Variants in NXPE2 observed in about 807,000 individuals in gnomAD.
The protein encoded by NXPE2 is NXPE family member 2.
A neutral mutation model predicts 34.4 loss-of-function variants in NXPE2; 34 were observed. The ratio of observed to expected loss-of-function variants is 0.99; its 90% CI spans 0.75 to 1.31. The LOEUF is 1.31. Ranked by LOEUF, NXPE2 falls within the 40% of genes most tolerant of loss-of-function variation. The pLI is 0.00. For synonymous variants in NXPE2, 235 were observed against 231.3 expected, an observed-to-expected ratio of 1.02 and a Z score of -0.15; for missense variants, 649 against 672.5, an observed-to-expected ratio of 0.97 and a Z score of 0.39.
chr11:114,641,310 A>G, the NXPE2 span, among the ~76,000 whole-genome samples: 1,057 of 152,178 alleles, frequency 6.9e-3, 6 homozygotes, highest in Non-Finnish European at 0.011. Flanking sequence ...TAAAAAATCC[A>G]GTGAAAAGTG....
the NXPE2 span, among the ~76,000 whole-genome samples, chr11:114,586,767 G>A: frequency 6.6e-6 from 1 of 152,102 alleles, no homozygotes; most frequent in Non-Finnish European, 1.5e-5. Context: ...TTTTTCTATT[G>A]CAAATTTTCT....
the NXPE2 span, among the ~76,000 whole-genome samples, chr11:114,653,819 C>T: frequency 2.9e-4 from 44 of 152,140 alleles, no homozygotes; most frequent in South Asian, 6.4e-3. Flanking sequence ...TGAGCCACCG[C>T]GCCTGGCCTG....
At chr11:114,802,717 T>C in the NXPE2 span, among the ~76,000 whole-genome samples, 3 of 152,220 alleles carry the variant, frequency 2.0e-5, no homozygotes, top group Non-Finnish European at 4.4e-5. Flanking sequence ...GTAAACTTGA[T>C]GTGTCTGTCT....
the NXPE2 span, among the ~76,000 whole-genome samples, chr11:114,640,756 T>C: frequency 2.6e-5 from 4 of 152,056 alleles, no homozygotes; most frequent in Non-Finnish European, 4.4e-5. Flanking sequence ...ATGTCTTCTT[T>C]TGAAAAATGT....
At chr11:114,670,083 G>T in the NXPE2 span, among the ~76,000 whole-genome samples, 2 of 151,916 alleles carry the variant, frequency 1.3e-5, no homozygotes, top group Non-Finnish European at 2.9e-5. Flanking sequence ...CTCAAAGACT[G>T]GTCTCAAAAA....
the NXPE2 span, among the ~76,000 whole-genome samples, chr11:114,770,422 GCTTC>G: frequency 1.3e-5 from 2 of 152,220 alleles, no homozygotes; most frequent in Non-Finnish European, 2.9e-5. Context: ...TGTGCATGAT[GCTTC>G]CTTCCTTAAT....
At chr11:114,494,529 T>C in the NXPE2 span, among the ~76,000 whole-genome samples, 2 of 152,202 alleles carry the variant, frequency 1.3e-5, no homozygotes, top group Admixed American at 6.5e-5. Context: ...TTTTTCAGCT[T>C]CAGAATTTCT....
the NXPE2 span, among the ~76,000 whole-genome samples, chr11:114,515,738 T>TACGGGTATTTCAAA: frequency 9.2e-6 from 1 of 108,806 alleles, no homozygotes; most frequent in African/African-American, 5.0e-5. Flanking sequence ...AGGCTGTGGT[T>TACGGGTATTTCAAA]AGAAAGTAAG....
the NXPE2 span, among the ~76,000 whole-genome samples, chr11:114,629,287 C>A: frequency 2.0e-5 from 3 of 152,074 alleles, no homozygotes; most frequent in East Asian, 5.8e-4. Flanking sequence ...TACTGGCAAA[C>A]GGAATCCAGC....
chr11:114,688,092 C>G (rs1951080829), intron 2 of NXPE2, among the ~76,000 whole-genome samples: 1 of 151,854 alleles, frequency 6.6e-6, no homozygotes, highest in Non-Finnish European at 1.5e-5. Context: ...TTTTTTCCTC[C>G]TGCCTGATTA....
chr11:114,512,960 A>G, the NXPE2 span: 1 of 322,584 alleles, frequency 3.1e-6, no homozygotes, highest in South Asian at 2.9e-5. Flanking sequence ...ATCCTGTCAC[A>G]GTGTTGGTGT....
the NXPE2 span, among the ~76,000 whole-genome samples, chr11:114,619,004 G>A: frequency 6.6e-6 from 1 of 152,060 alleles, no homozygotes; most frequent in Non-Finnish European, 1.5e-5. Flanking sequence ...TGCTTCTAGG[G>A]TAACCACTGT....
the NXPE2 span, among the ~76,000 whole-genome samples, chr11:114,633,067 GT>G: frequency 9.3e-6 from 1 of 107,724 alleles, no homozygotes; most frequent in South Asian, 2.7e-4. Context: ...TTTATATTTT[GT>G]TTTTTATAAT....
At chr11:114,700,280 T>C (rs1205737588) in intron 3 of NXPE2, among the ~76,000 whole-genome samples, 7 of 152,206 alleles carry the variant, frequency 4.6e-5, no homozygotes, top group Non-Finnish European at 8.8e-5. Context: ...ACTCTTTTAA[T>C]ATTAAAACTC....
chr11:114,604,019 G>A, the NXPE2 span, among the ~76,000 whole-genome samples: 4 of 151,922 alleles, frequency 2.6e-5, no homozygotes, highest in South Asian at 2.1e-4. Context: ...CTACCATTAC[G>A]TGGTGGATAA....
At chr11:114,522,860 A>C in the NXPE2 span, 1 of 1,545,678 alleles carries the variant, frequency 6.5e-7, no homozygotes, top group Non-Finnish European at 8.9e-7. Context: ...TTCTAAGAGA[A>C]TATAAAGTAA....
At chr11:114,610,160 A>C in the NXPE2 span, among the ~76,000 whole-genome samples, 2 of 151,960 alleles carry the variant, frequency 1.3e-5, no homozygotes, top group African/African-American at 4.8e-5. Flanking sequence ...GCAGCTAACC[A>C]CTGTTACCTG....
the NXPE2 span, among the ~76,000 whole-genome samples, chr11:114,611,493 T>G: frequency 6.6e-6 from 1 of 151,974 alleles, no homozygotes; most frequent in African/African-American, 2.4e-5. Flanking sequence ...ACCCTGTGGA[T>G]AATAAGTATT....
At chr11:114,558,899 G>T in the NXPE2 span, among the ~76,000 whole-genome samples, 1 of 152,148 alleles carries the variant, frequency 6.6e-6, no homozygotes, top group Non-Finnish European at 1.5e-5. Flanking sequence ...TTGATTATAT[G>T]TATAGCTGTA....
Sources: allele counts gnomAD v4.1 joint callset (sites outside exome capture counted in the v4.1 genomes callset), GRCh38; gene constraint gnomAD v4.1.1; transcripts MANE v1.5; gene names NCBI Gene and HGNC (gene_info 2026-07-23, HGNC 2026-07-21).